The following STAM variants were observed in gnomAD, a reference collection of about 807,000 sequenced individuals.
The protein encoded by STAM is signal transducing adapter molecule 1.
In STAM, 16 loss-of-function variants were observed where a neutral mutation model predicts 63.4. The observed-to-expected ratio is 0.25, with a 90% CI of 0.17 to 0.38. The LOEUF (loss-of-function observed/expected upper bound fraction) is 0.38, where lower values mean the gene tolerates loss of function less well. STAM is among the 10% of genes least tolerant of loss of function. The pLI, the probability that STAM is intolerant of heterozygous loss-of-function variation, is 1.00. For missense variants in STAM, 636 were observed against 657.1 expected, an observed-to-expected ratio of 0.97 and a Z score of 0.35; for synonymous variants, 238 against 223.9, an observed-to-expected ratio of 1.06 and a Z score of -0.56.
At chr10:17,702,868 C>G (rs782042236) in intron 9 of STAM, among the ~76,000 whole-genome samples, 8 of 151,842 alleles carry the variant, frequency 5.3e-5, no homozygotes, top group Admixed American at 3.9e-4. Flanking sequence ...ATTCGCTGGA[C>G]GTGGTGGTGT....
intron 8 of STAM, among the ~76,000 whole-genome samples, chr10:17,698,309 T>C (rs1471538529): frequency 6.6e-6 from 1 of 152,150 alleles, no homozygotes; most frequent in Non-Finnish European, 1.5e-5. Context: ...ATGTTTTGTT[T>C]GTTTTTGGAC....
intron 2 of STAM, among the ~76,000 whole-genome samples, chr10:17,670,498 C>G (rs1834592044): frequency 6.6e-6 from 1 of 152,120 alleles, no homozygotes; most frequent in South Asian, 2.1e-4. Context: ...AATTATGAAT[C>G]AAGACATACC....
At chr10:17,657,459 A>G (rs1303493789) in intron 1 of STAM, among the ~76,000 whole-genome samples, 1 of 152,214 alleles carries the variant, frequency 6.6e-6, no homozygotes, top group Non-Finnish European at 1.5e-5. Context: ...TTTTGGTATC[A>G]GAGTAATGCT....
At chr10:17,704,657 T>A in intron 10 of STAM, 139 bp downstream of exon 10, 1 of 735,058 alleles carries the variant, frequency 1.4e-6, no homozygotes, top group Non-Finnish European at 2.2e-6. Context: ...CACTCTCATA[T>A]GCAGTTGAAA....
At chr10:17,705,069 A>C (rs1554829054) in intron 11 of STAM, 45 bp downstream of exon 11, 2 of 1,556,194 alleles carry the variant, frequency 1.3e-6, no homozygotes, top group Non-Finnish European at 1.8e-6. Context: ...TTCTTTCCTG[A>C]AGCTATCACT....
chr10:17,678,187 G>A (rs1376658778), intron 2 of STAM, among the ~76,000 whole-genome samples: 2 of 152,014 alleles, frequency 1.3e-5, no homozygotes, highest in Non-Finnish European at 2.9e-5. Context: ...GGATTTGCCT[G>A]TTGTAGACAT....
chr10:17,698,130 C>T (rs1298093582), intron 8 of STAM, among the ~76,000 whole-genome samples: 1 of 152,112 alleles, frequency 6.6e-6, no homozygotes, highest in African/African-American at 2.4e-5. Flanking sequence ...AAATGGTGCG[C>T]TCTCATAGTT....
intron 2 of STAM, among the ~76,000 whole-genome samples, chr10:17,670,935 T>A (rs1227618313): frequency 1.3e-5 from 2 of 152,166 alleles, no homozygotes; most frequent in African/African-American, 4.8e-5. Flanking sequence ...TATATAAAGA[T>A]TGCATTATTT....
At chr10:17,689,470 C>T (rs2764801) in intron 5 of STAM, among the ~76,000 whole-genome samples, 152,260 of 152,364 alleles carry the variant, frequency 1, 76,078 homozygotes, top group Middle Eastern at 1. Flanking sequence ...AAAGGACATT[C>T]TTCTTCTTAA....
At chr10:17,703,833 G>C (rs1204552964) in intron 9 of STAM, among the ~76,000 whole-genome samples, 2 of 152,192 alleles carry the variant, frequency 1.3e-5, no homozygotes, top group African/African-American at 4.8e-5. Context: ...TAGAAGAGCA[G>C]CTGTGATACA....
chr10:17,685,322 A>G (rs1420075938), intron 4 of STAM, among the ~76,000 whole-genome samples: 3 of 152,186 alleles, frequency 2.0e-5, no homozygotes, highest in Non-Finnish European at 4.4e-5. Flanking sequence ...ATCTTTATCA[A>G]TAAGGCTGCT....
intron 13 of STAM, among the ~76,000 whole-genome samples, chr10:17,711,755 G>C (rs1175302025): frequency 1.3e-5 from 2 of 152,136 alleles, no homozygotes; most frequent in Admixed American, 6.5e-5. Context: ...GGGGAGCAGC[G>C]AGAGACATAC....
intron 9 of STAM, among the ~76,000 whole-genome samples, chr10:17,701,636 G>C (rs1342089961): frequency 6.6e-6 from 1 of 152,172 alleles, no homozygotes; most frequent in African/African-American, 2.4e-5. Flanking sequence ...AATTTAAAGA[G>C]AATCTTTTCC....
At chr10:17,686,252 C>A (rs946543755) in intron 4 of STAM, among the ~76,000 whole-genome samples, 2 of 152,138 alleles carry the variant, frequency 1.3e-5, no homozygotes, top group Non-Finnish European at 2.9e-5. Flanking sequence ...ATGTGGTATA[C>A]TTACCTATGT....
intron 1 of STAM, among the ~76,000 whole-genome samples, chr10:17,649,082 C>T (rs146697978): frequency 2.4e-4 from 36 of 152,276 alleles, no homozygotes; most frequent in African/African-American, 7.2e-4. Context: ...TTTTCTGAGA[C>T]GCTTTACCTA....
At chr10:17,707,047 C>A (rs1836317186) in intron 12 of STAM, among the ~76,000 whole-genome samples, 1 of 151,404 alleles carries the variant, frequency 6.6e-6, no homozygotes, top group African/African-American at 2.4e-5. Flanking sequence ...TCTTTTCACC[C>A]CAAGCAACTA....
intron 9 of STAM, among the ~76,000 whole-genome samples, chr10:17,703,008 C>CCA (rs781869476): frequency 2.9e-5 from 2 of 67,862 alleles, no homozygotes; most frequent in Non-Finnish European, 6.1e-5. Context: ...GACTCCATCT[C>CCA]AAAAAAAAAA....
chr10:17,697,009 TCC>T lies in STAM; in HGVS notation c.823+141_823+142del, dbSNP rs1554827634. ...AGCTCGGATCATTGCAACCTCCGCCTCCTGGGTTCAGGTGATTCTCCTGCCTC... is the reference window on the plus strand; with the variant it reads ...AGCTCGGATCATTGCAACCTCCGCCTTGGGTTCAGGTGATTCTCCTGCCTC... On this transcript the variant is annotated intron_variant, in intron 8 of 13. Coordinates refer to ENST00000377524, the MANE Select transcript of STAM (RefSeq NM_003473.4). The T allele has an allele frequency of 9.5e-6, 6 of 631,948 alleles. No individual in the cohort carries two copies. In the East Asian group the frequency reaches 1.4e-4, roughly 15 times the overall value. The allele number at this position is 631,948 out of a possible 1,614,324, so 39.1% of individuals were successfully genotyped here.
rs1382686026 is a variant in STAM, at chr10:17,714,789, G to A, written c.*9G>A. 6.2e-7 allele frequency: 1 copy of A among 1,611,602 alleles called. No individual in the cohort carries two copies. The highest frequency in any genetic ancestry group is 1.3e-5 in the African/African-American group (1 of 74,852). On this transcript the variant is annotated 3_prime_UTR_variant, in exon 14 of 14. Coordinates refer to ENST00000377524, the MANE Select transcript of STAM (RefSeq NM_003473.4). The stretch of plus-strand genomic sequence containing the variant: ...AGAAGGCTCTGCTATAGGACCCGGT[G>A]TTCCTCTTGGTGGCAGATACCTGCT...
Sources: gnomAD v4.1 joint callset for allele counts (sites outside exome capture counted in the v4.1 genomes callset) on GRCh38, gnomAD v4.1.1 for gene constraint, MANE v1.5 for transcripts, NCBI Gene and HGNC (gene_info 2026-07-23, HGNC 2026-07-21) for gene names.